ESRRB: variants seen among roughly 807,000 people sequenced by gnomAD.
The protein encoded by ESRRB is estrogen related receptor beta, also known as steroid hormone receptor ERR2.
Under a neutral mutation model 46.0 loss-of-function variants are expected in ESRRB, and 16 were observed. That is an observed-to-expected ratio of 0.35 (90% CI 0.24 to 0.53). The LOEUF (loss-of-function observed/expected upper bound fraction) is 0.53, where lower values mean the gene tolerates loss of function less well. ESRRB is among the 20% of genes least tolerant of loss of function. The probability of loss-of-function intolerance (pLI) is 0.93; values close to 1 mark genes in which losing one functional copy is unlikely to be tolerated. For missense variants in ESRRB, 488 were observed against 607.4 expected, an observed-to-expected ratio of 0.80 and a Z score of 2.07; for synonymous variants, 246 against 259.6, an observed-to-expected ratio of 0.95 and a Z score of 0.50.
chr14:76,441,226 C>G (rs10149371), intron 2 of ESRRB, among the ~76,000 whole-genome samples: 4 of 152,210 alleles, frequency 2.6e-5, no homozygotes, highest in Admixed American at 2.6e-4. Context: ...AGCTTTTTAT[C>G]AATACATTTG....
chr14:76,332,593 T>TAAA (rs1555389294), intron 1 of ESRRB, among the ~76,000 whole-genome samples: 1 of 18,722 alleles, frequency 5.3e-5, no homozygotes, highest in Non-Finnish European at 8.9e-5. Context: ...TATTTATATA[T>TAAA]TATATATTAT....
chr14:76,364,382 G>T (rs939182215), intron 1 of ESRRB, among the ~76,000 whole-genome samples: 4 of 152,096 alleles, frequency 2.6e-5, no homozygotes, highest in Non-Finnish European at 5.9e-5. Context: ...GTTTGGGGAT[G>T]CATTCTCTTA....
At chr14:76,378,237 C>T (rs563062470) in intron 1 of ESRRB, among the ~76,000 whole-genome samples, 24 of 152,130 alleles carry the variant, frequency 1.6e-4, no homozygotes, top group Non-Finnish European at 2.8e-4. Context: ...TATGAAAATT[C>T]GTATGAAGGA....
At chr14:76,329,616 C>G (rs1042047938) in intron 1 of ESRRB, among the ~76,000 whole-genome samples, 10 of 152,064 alleles carry the variant, frequency 6.6e-5, no homozygotes, top group African/African-American at 2.4e-4. Flanking sequence ...CACCGAGGTG[C>G]CCATGTAGCG....
intron 1 of ESRRB, among the ~76,000 whole-genome samples, chr14:76,397,831 G>T (rs1457983755): frequency 6.6e-6 from 1 of 152,218 alleles, no homozygotes; most frequent in East Asian, 1.9e-4. Context: ...ACTCAGAAAT[G>T]CACTACCTCC....
intron 3 of ESRRB, chr14:76,463,445 G>GTTTTTTTTTTTGTTTTTGTTTTTT (rs1566599993): frequency 8.7e-5 from 10 of 114,730 alleles, no homozygotes; most frequent in Non-Finnish European, 1.2e-4. Flanking sequence ...ATGCTTCTTT[G>GTTTTTTTTTTTGTTTTTGTTTTTT]TTTTTTTTTT....
intron 1 of ESRRB, among the ~76,000 whole-genome samples, chr14:76,354,220 A>AC (rs1431949106): frequency 2.1e-4 from 6 of 28,322 alleles, no homozygotes; most frequent in African/African-American, 9.4e-4. Context: ...AGGGTCCTCT[A>AC]CCCGCCCCCC....
intron 2 of ESRRB, among the ~76,000 whole-genome samples, chr14:76,460,111 C>T (rs528012424): frequency 2.0e-5 from 3 of 152,320 alleles, no homozygotes; most frequent in African/African-American, 7.2e-5. Context: ...GAACATGGTT[C>T]ATGCTTGTTT....
At chr14:76,423,297 C>T (rs1887054508) in intron 1 of ESRRB, among the ~76,000 whole-genome samples, 2 of 152,074 alleles carry the variant, frequency 1.3e-5, no homozygotes, top group South Asian at 4.2e-4. Context: ...ATGTGTGCCA[C>T]CACACCTGGC....
intron 2 of ESRRB, among the ~76,000 whole-genome samples, chr14:76,452,002 T>C (rs530919789): frequency 9.9e-5 from 15 of 151,478 alleles, no homozygotes; most frequent in African/African-American, 3.6e-4. Flanking sequence ...TGGAGTGCAA[T>C]GTCATGGTCT....
intron 6 of ESRRB, among the ~76,000 whole-genome samples, chr14:76,497,328 C>T (rs1890471135): frequency 6.6e-6 from 1 of 152,164 alleles, no homozygotes; most frequent in South Asian, 2.1e-4. Flanking sequence ...ATAACACTAC[C>T]TGACATTGAC....
intron 1 of ESRRB, among the ~76,000 whole-genome samples, chr14:76,364,107 G>A (rs1248175794): frequency 6.6e-6 from 1 of 152,204 alleles, no homozygotes; most frequent in Non-Finnish European, 1.5e-5. Flanking sequence ...TTGAGTCTGA[G>A]ATTGATGCTC....
rs553087788 is a variant in ESRRB at position 76,454,367 on chromosome 14, A to G, written c.461-8178A>G. ...TAATCTCCATTCCCAAAAAGCACAC[A>G]GTTCAGAAGGGAGGCCCACAGGTAC... On this transcript the variant is annotated intron_variant, in intron 2 of 6. Coordinates refer to ENST00000644823, the MANE Select transcript of ESRRB (RefSeq NM_001379180.1). 2.0e-5 allele frequency among the ~76,000 whole-genome samples: 3 copies of G among 152,344 alleles called. No homozygotes were observed. The South Asian group carries it at 6.2e-4, about 32-fold the overall frequency.
At chr14:76,379,025 G>T (rs1884898210) in intron 1 of ESRRB, among the ~76,000 whole-genome samples, 1 of 152,102 alleles carries the variant, frequency 6.6e-6, no homozygotes, top group Non-Finnish European at 1.5e-5. Flanking sequence ...GAGGGAGGAG[G>T]AACTCTCTGG....
At chr14:76,407,228 G>T (rs1415603511) in intron 1 of ESRRB, among the ~76,000 whole-genome samples, 2 of 152,212 alleles carry the variant, frequency 1.3e-5, no homozygotes, top group Admixed American at 1.3e-4. Context: ...CCAGCGATCT[G>T]AATTTAACAA....
chr14:76,451,177 A>G (rs545573643), intron 2 of ESRRB, among the ~76,000 whole-genome samples: 2 of 152,342 alleles, frequency 1.3e-5, no homozygotes, highest in Non-Finnish European at 2.9e-5. Context: ...GGAAAACAGC[A>G]TGGCACTGGA....
chr14:76,327,487 A>G (rs12885787), intron 1 of ESRRB, among the ~76,000 whole-genome samples: 42 of 150,746 alleles, frequency 2.8e-4, no homozygotes, highest in Non-Finnish European at 1.9e-4. Context: ...TGATGATGAT[A>G]ATGATGATGA....
chr14:76,328,760 C>T (rs1397064776), intron 1 of ESRRB, among the ~76,000 whole-genome samples: 1 of 152,144 alleles, frequency 6.6e-6, no homozygotes, highest in East Asian at 1.9e-4. Flanking sequence ...CTCTTGCAGA[C>T]ATCATCTCCC....
chr14:76,341,965 C>G (rs1884196773), intron 1 of ESRRB, among the ~76,000 whole-genome samples: 1 of 152,180 alleles, frequency 6.6e-6, no homozygotes, highest in Non-Finnish European at 1.5e-5. Context: ...TCCACATGTC[C>G]CTGAGATTGC....
Sources: gnomAD v4.1 joint callset for allele counts (sites outside exome capture counted in the v4.1 genomes callset) on GRCh38, gnomAD v4.1.1 for gene constraint, MANE v1.5 for transcripts, NCBI Gene and HGNC (gene_info 2026-07-23, HGNC 2026-07-21) for gene names.